Variants in SNX24 observed in about 807,000 individuals in gnomAD.
SNX24 encodes the protein sorting nexin-24.
Under a neutral mutation model 28.7 loss-of-function variants are expected in SNX24, and 22 were observed. The observed-to-expected ratio is 0.77, with a 90% confidence interval of 0.55 to 1.10. The LOEUF (loss-of-function observed/expected upper bound fraction) is 1.10. Ranked by LOEUF, SNX24 falls within the 50% of genes least tolerant of loss-of-function variation. The pLI, the probability that SNX24 is intolerant of heterozygous loss-of-function variation, is 0.00. For missense variants in SNX24, 221 were observed against 201.1 expected, an observed-to-expected ratio of 1.10 and a Z score of -0.60; for synonymous variants, 69 against 71.5, an observed-to-expected ratio of 0.96 and a Z score of 0.18.
downstream of SNX24, among the ~76,000 whole-genome samples, chr5:123,013,634 TA>T (rs1762632056): frequency 6.6e-6 from 1 of 152,204 alleles, no homozygotes; most frequent in Non-Finnish European, 1.5e-5. Context: ...CTTAATTTAC[TA>T]GAAGAAAATT....
intron 1 of SNX24, among the ~76,000 whole-genome samples, chr5:122,885,102 A>G (rs1332673512): frequency 2.0e-5 from 3 of 152,176 alleles, no homozygotes; most frequent in Non-Finnish European, 4.4e-5. Flanking sequence ...CTGGCCTTGA[A>G]TGGGGTTAGG....
At chr5:122,949,888 A>C (rs1759860206) in intron 3 of SNX24, among the ~76,000 whole-genome samples, 1 of 152,240 alleles carries the variant, frequency 6.6e-6, no homozygotes, top group South Asian at 2.1e-4. Context: ...TCAGGGAGAC[A>C]TCAGAAGTTA....
chr5:122,923,419 T>A (rs1384527547), intron 1 of SNX24, among the ~76,000 whole-genome samples: 2 of 152,160 alleles, frequency 1.3e-5, no homozygotes, highest in African/African-American at 2.4e-5. Flanking sequence ...TTCTGTGATC[T>A]TTAGGAGCTT....
intron 1 of SNX24, among the ~76,000 whole-genome samples, chr5:122,877,186 G>T (rs1353636519): frequency 6.6e-6 from 1 of 152,086 alleles, no homozygotes; most frequent in Non-Finnish European, 1.5e-5. Flanking sequence ...ATGAGAGAAT[G>T]CCCTGTCACT....
chr5:122,905,226 T>C (rs1757599744), intron 1 of SNX24, among the ~76,000 whole-genome samples: 1 of 151,428 alleles, frequency 6.6e-6, no homozygotes, highest in Admixed American at 6.6e-5. Flanking sequence ...CAGCTAGGGG[T>C]AGAGAGTGGA....
At chr5:123,013,161 A>G (rs1188366488), downstream of SNX24, among the ~76,000 whole-genome samples, 1 of 152,218 alleles carries the variant, frequency 6.6e-6, no homozygotes, top group East Asian at 1.9e-4. Flanking sequence ...ACTATACATA[A>G]TTGGGAAGTT....
intron 1 of SNX24, among the ~76,000 whole-genome samples, chr5:122,891,606 C>G (rs1031528116): frequency 6.6e-6 from 1 of 152,104 alleles, no homozygotes; most frequent in Admixed American, 6.6e-5. Flanking sequence ...ACACTTCCTG[C>G]TCTTTAAGCA....
Position 123,008,062 on chromosome 5 carries a change from C to T in SNX24, c.*313C>T. The T allele has an allele frequency of 9.6e-7, 1 of 1,044,172 alleles. No homozygotes were observed. Among genetic ancestry groups the T allele is most frequent in the Non-Finnish European group, 1.2e-6 (1 of 860,930 alleles). 64.7% of individuals were successfully genotyped at this position (1,044,172 alleles called of 1,614,324 possible). A position where few individuals can be genotyped will look rare whatever the true frequency, so the allele number is the denominator to read the frequency against. The stretch of plus-strand genomic sequence containing the variant: ...CACTGGGTGTAGCAAAACAAAGCCA[C>T]TCTCTGCTTCAGTCGCACCATTTGC... On this transcript the variant is annotated 3_prime_UTR_variant, in exon 7 of 7. Transcript: ENST00000261369.
chr5:122,951,811 G>C (rs944435224), intron 3 of SNX24, among the ~76,000 whole-genome samples: 1 of 152,202 alleles, frequency 6.6e-6, no homozygotes, highest in African/African-American at 2.4e-5. Context: ...TTGTGGAGGC[G>C]GGAGGCAGCC....
intron 1 of SNX24, among the ~76,000 whole-genome samples, chr5:122,893,506 A>G (rs1172405582): frequency 1.3e-5 from 2 of 152,150 alleles, no homozygotes; most frequent in Non-Finnish European, 2.9e-5. Context: ...TTATATGTAT[A>G]TATATACATA....
intron 3 of SNX24, among the ~76,000 whole-genome samples, chr5:122,949,296 T>C (rs910032655): frequency 6.6e-6 from 1 of 152,154 alleles, no homozygotes; most frequent in East Asian, 1.9e-4. Context: ...AATAAACATA[T>C]CATATTAGTC....
At chr5:122,977,263 C>G (rs1477877200) in intron 3 of SNX24, among the ~76,000 whole-genome samples, 1 of 152,102 alleles carries the variant, frequency 6.6e-6, no homozygotes, top group African/African-American at 2.4e-5. Context: ...TTCATCGGAA[C>G]AGGGGACCCA....
intron 1 of SNX24, among the ~76,000 whole-genome samples, chr5:122,871,045 A>G (rs995569352): frequency 6.6e-6 from 1 of 152,208 alleles, no homozygotes; most frequent in Admixed American, 6.5e-5. Flanking sequence ...AGAATTTTCT[A>G]AAGGTCCCTG....
intron 3 of SNX24, among the ~76,000 whole-genome samples, chr5:122,947,088 A>G (rs1053159897): frequency 4.6e-5 from 7 of 152,208 alleles, no homozygotes; most frequent in African/African-American, 9.7e-5. Flanking sequence ...CTCTTAAAAC[A>G]AAAGAGCTGG....
intron 3 of SNX24, among the ~76,000 whole-genome samples, chr5:122,990,363 A>G (rs527516716): frequency 1.4e-4 from 21 of 152,358 alleles, no homozygotes; most frequent in East Asian, 3.9e-4. Context: ...ATTTAAAAAA[A>G]TGATGTTAGC....
chr5:122,880,351 A>G (rs765791623), intron 1 of SNX24, among the ~76,000 whole-genome samples: 12 of 152,224 alleles, frequency 7.9e-5, no homozygotes, highest in Non-Finnish European at 1.5e-4. Flanking sequence ...AGAGGTGGTT[A>G]GAATGGGGCT....
Position 123,009,074 on chromosome 5 carries a change from C to T in SNX24, c.*1325C>T, listed in dbSNP as rs1430307296. 6 of 985,282 alleles carry T rather than the reference C, an allele frequency of 6.1e-6. No individual in the cohort carries two copies. Among genetic ancestry groups the T allele is most frequent in the African/African-American group, 1.7e-5 (1 of 57,214 alleles). 61.0% of individuals were successfully genotyped at this position (985,282 alleles called of 1,614,324 possible). A position where few individuals can be genotyped will look rare whatever the true frequency, so the allele number is the denominator to read the frequency against. On this transcript the variant is annotated 3_prime_UTR_variant, in exon 7 of 7. Transcript: ENST00000261369. ...AAATATTATGATAGATTCTGTACTA[C>T]ATGTGGGAAACAAGCAAGAACTAAA...
chr5:122,883,665 C>G (rs951922262), intron 1 of SNX24, among the ~76,000 whole-genome samples: 1 of 151,136 alleles, frequency 6.6e-6, no homozygotes, highest in African/African-American at 2.4e-5. Flanking sequence ...TTTTGTTTTT[C>G]GAGACAGTAT....
chr5:122,965,433 C>G (rs942724329), intron 3 of SNX24: 4 of 455,002 alleles, frequency 8.8e-6, no homozygotes, highest in African/African-American at 8.0e-5. Flanking sequence ...TTGTTTTGTT[C>G]CCTCCCAAGA....
Sources: allele counts gnomAD v4.1 joint callset (sites outside exome capture counted in the v4.1 genomes callset), GRCh38; gene constraint gnomAD v4.1.1; transcripts MANE v1.5; gene names NCBI Gene and HGNC (gene_info 2026-07-23, HGNC 2026-07-21).